GSE1: variants seen among roughly 807,000 people sequenced by gnomAD.
GSE1 encodes the protein genetic suppressor element 1.
A neutral mutation model predicts 112.6 loss-of-function variants in GSE1; 32 were observed. That is an observed-to-expected ratio of 0.28 (90% CI 0.21 to 0.38). GSE1 has a LOEUF of 0.38. GSE1 is among the 10% of genes least tolerant of loss of function. The pLI is 1.00. For synonymous variants in GSE1, 1,115 were observed against 735.6 expected, an observed-to-expected ratio of 1.52 and a Z score of -8.35; for missense variants, 2,348 against 1,699.2, an observed-to-expected ratio of 1.38 and a Z score of -6.71.
upstream of GSE1, among the ~76,000 whole-genome samples, chr16:85,609,574 G>A (rs534974097): frequency 3.9e-5 from 6 of 152,262 alleles, no homozygotes; most frequent in South Asian, 2.1e-4. Context: ...TAGGACTCCC[G>A]TCTCCAGACA....
At chr16:85,438,529 G>A (rs932245896) in intron 2 of GSE1, among the ~76,000 whole-genome samples, 8 of 152,194 alleles carry the variant, frequency 5.3e-5, no homozygotes, top group Non-Finnish European at 8.8e-5. Context: ...GGTAGGTGCT[G>A]TCAGCCTCTT....
At chr16:85,472,637 T>C (rs1417220163) in intron 2 of GSE1, among the ~76,000 whole-genome samples, 1 of 152,202 alleles carries the variant, frequency 6.6e-6, no homozygotes, top group Non-Finnish European at 1.5e-5. Context: ...CAGCAGCGGC[T>C]CAGGACCCGG....
intron 1 of GSE1, among the ~76,000 whole-genome samples, chr16:85,313,310 T>A (rs1313878942): frequency 1.3e-5 from 2 of 152,076 alleles, no homozygotes; most frequent in Non-Finnish European, 2.9e-5. Flanking sequence ...CGTGTCTTCC[T>A]CAAGGTCCTC....
Position 85,613,345 on chromosome 16 carries a change from G to T in GSE1, c.-47G>T, listed in dbSNP as rs373660795. ...GCAGTTTAGACAAACACTGGGCGACGGTGGCTCCAGCATGTATCAGCCGAG... is the reference window on the plus strand; with the variant it reads ...GCAGTTTAGACAAACACTGGGCGACTGTGGCTCCAGCATGTATCAGCCGAG... On this transcript the variant is annotated 5_prime_UTR_variant, in exon 1 of 16. Coordinates refer to ENST00000253458, the MANE Select transcript of GSE1 (RefSeq NM_014615.5). 12 of 1,563,886 alleles carry T rather than the reference G, an allele frequency of 7.7e-6. No individual in the cohort carries two copies. Among genetic ancestry groups the T allele is most frequent in the Non-Finnish European group, 1.0e-5 (12 of 1,154,908 alleles).
chr16:85,473,431 G>C (rs72798991), intron 2 of GSE1, among the ~76,000 whole-genome samples: 24,048 of 152,090 alleles, frequency 0.16, 2,381 homozygotes, highest in Non-Finnish European at 0.2. Context: ...TAAAACCACA[G>C]ATGTTTGTTC....
At chr16:85,424,707 C>T (rs1161102115) in intron 2 of GSE1, among the ~76,000 whole-genome samples, 1 of 152,248 alleles carries the variant, frequency 6.6e-6, no homozygotes, top group African/African-American at 2.4e-5. Context: ...TGTTCCTGCG[C>T]CCAGCACTGA....
intron 2 of GSE1, among the ~76,000 whole-genome samples, chr16:85,467,543 A>T (rs79887233): frequency 0.056 from 8,189 of 145,702 alleles, 462 homozygotes; most frequent in East Asian, 0.23. Context: ...TGCTGGGAAG[A>T]CTCAAATGGG....
chr16:85,349,049 G>C (rs1446851598), intron 1 of GSE1, among the ~76,000 whole-genome samples: 1 of 152,164 alleles, frequency 6.6e-6, no homozygotes, highest in Non-Finnish European at 1.5e-5. Flanking sequence ...TCTCCCGCGC[G>C]ATCTGCCGTG....
At chr16:85,295,043 T>C (rs1470981247) in intron 1 of GSE1, among the ~76,000 whole-genome samples, 2 of 151,966 alleles carry the variant, frequency 1.3e-5, no homozygotes, top group Non-Finnish European at 2.9e-5. Context: ...GAGCTACCTC[T>C]CCACCAAATC....
chr16:85,608,409 G>T (rs1402121605), upstream of GSE1, among the ~76,000 whole-genome samples: 1 of 152,176 alleles, frequency 6.6e-6, no homozygotes, highest in Non-Finnish European at 1.5e-5. Flanking sequence ...GTGAATCCCA[G>T]GGTGCTCAGC....
At chr16:85,244,710 G>C (rs1014052810) in intron 1 of GSE1, among the ~76,000 whole-genome samples, 1 of 151,792 alleles carries the variant, frequency 6.6e-6, no homozygotes, top group Admixed American at 6.6e-5. Context: ...ATTATCTGGG[G>C]CTGGGTGCAA....
chr16:85,553,298 C>T (rs1021656526), upstream of GSE1, among the ~76,000 whole-genome samples: 47 of 150,448 alleles, frequency 3.1e-4, no homozygotes, highest in Admixed American at 9.3e-4. Context: ...TGCCAGGCCG[C>T]CGCCGCCGCC....
intron 2 of GSE1, among the ~76,000 whole-genome samples, chr16:85,487,015 A>C (rs192884553): frequency 6.6e-6 from 1 of 152,104 alleles, no homozygotes; most frequent in Non-Finnish European, 1.5e-5. Flanking sequence ...GGTGGTTGCT[A>C]TGTACCCCAG....
chr16:85,609,877 G>C (rs1044852890), upstream of GSE1, among the ~76,000 whole-genome samples: 7 of 152,146 alleles, frequency 4.6e-5, no homozygotes, highest in African/African-American at 1.7e-4. Flanking sequence ...GGCCGGTCTC[G>C]AACTCCTGAT....
chr16:85,432,406 G>C (rs2049143277), intron 2 of GSE1, among the ~76,000 whole-genome samples: 1 of 152,258 alleles, frequency 6.6e-6, no homozygotes, highest in African/African-American at 2.4e-5. Flanking sequence ...ACGAGAGACT[G>C]GGTGGGAAGA....
intron 2 of GSE1, among the ~76,000 whole-genome samples, chr16:85,491,846 C>T (rs755862577): frequency 6.6e-6 from 1 of 152,166 alleles, no homozygotes; most frequent in Non-Finnish European, 1.5e-5. Flanking sequence ...GGAGACACAG[C>T]GCCCCTTGCG....
intron 1 of GSE1, among the ~76,000 whole-genome samples, chr16:85,277,203 G>C (rs1441301540): frequency 2.0e-5 from 3 of 152,286 alleles, no homozygotes; most frequent in Admixed American, 6.5e-5. Flanking sequence ...AGGTGGCGGT[G>C]GGGGTGGGGC....
At chr16:85,506,927 C>T (rs955020928) in intron 2 of GSE1, among the ~76,000 whole-genome samples, 1 of 152,188 alleles carries the variant, frequency 6.6e-6, no homozygotes, top group Admixed American at 6.5e-5. Flanking sequence ...CCGACAGCCC[C>T]CTCCTTCCAA....
At chr16:85,641,110 A>T (rs193119761) in intron 2 of GSE1, among the ~76,000 whole-genome samples, 2 of 152,168 alleles carry the variant, frequency 1.3e-5, no homozygotes, top group Admixed American at 6.5e-5. Flanking sequence ...ACGTGGACAT[A>T]AGGGTGATTT....
Sources: gnomAD v4.1 joint callset for allele counts (sites outside exome capture counted in the v4.1 genomes callset) on GRCh38, gnomAD v4.1.1 for gene constraint, MANE v1.5 for transcripts, NCBI Gene and HGNC (gene_info 2026-07-23, HGNC 2026-07-21) for gene names.